The following KMT2C variants were observed in gnomAD, a reference collection of about 807,000 sequenced individuals.
KMT2C encodes the protein lysine methyltransferase 2C.
A neutral mutation model predicts 507.9 loss-of-function variants in KMT2C; 88 were observed. That is an observed-to-expected ratio of 0.17 (90% CI 0.15 to 0.21). The LOEUF (loss-of-function observed/expected upper bound fraction) is 0.21, where lower values mean the gene tolerates loss of function less well. Ranked by LOEUF, KMT2C falls within the 10% of genes least tolerant of loss-of-function variation. The pLI, the probability that KMT2C is intolerant of heterozygous loss-of-function variation, is 1.00. For synonymous variants in KMT2C, 2,049 were observed against 2,080.8 expected, an observed-to-expected ratio of 0.98 and a Z score of 0.42; for missense variants, 4,954 against 5,957.8, an observed-to-expected ratio of 0.83 and a Z score of 5.55.
intron 18 of KMT2C, among the ~76,000 whole-genome samples, chr7:152,226,318 C>T (rs574713587): frequency 5.4e-5 from 8 of 149,334 alleles, no homozygotes; most frequent in African/African-American, 2.0e-4. Context: ...CTAAAACCTC[C>T]GCCTCCCATG....
intron 16 of KMT2C, among the ~76,000 whole-genome samples, chr7:152,232,942 T>C (rs553864570): frequency 5.1e-4 from 77 of 152,302 alleles, no homozygotes; most frequent in Non-Finnish European, 9.3e-4. Context: ...TTATACCCAC[T>C]GAGCAGCTCA....
chr7:152,242,166 T>G (rs1279366524), intron 14 of KMT2C, among the ~76,000 whole-genome samples: 3 of 152,222 alleles, frequency 2.0e-5, no homozygotes. Context: ...TACAATCCAG[T>G]TGCAGCACTT....
chr7:152,417,757 T>C (rs1325597128), intron 1 of KMT2C, among the ~76,000 whole-genome samples: 3 of 150,952 alleles, frequency 2.0e-5, no homozygotes, highest in Non-Finnish European at 4.4e-5. Flanking sequence ...TCCTCCTGCT[T>C]CAACCTCCTG....
Position 152,155,850 on chromosome 7 carries a change from A to T in KMT2C, c.11960+60T>A, listed in dbSNP as rs1422848014. 10 of 1,500,466 alleles carry T rather than the reference A, an allele frequency of 6.7e-6. No homozygotes were observed. In the African/African-American group the frequency reaches 1.4e-4, roughly 22 times the overall value. 92.9% of individuals were successfully genotyped at this position (1,500,466 alleles called of 1,614,324 possible). A position where few individuals can be genotyped will look rare whatever the true frequency, so the allele number is the denominator to read the frequency against. ...TAAAGACATTATGCCACATACATAC[A>T]TTTATTTTTTTTAAAAGAAGAAATA... On this transcript the variant is annotated intron_variant, in intron 46 of 58. Transcript: ENST00000262189.
intron 1 of KMT2C, chr7:152,368,530 C>T: frequency 7.4e-7 from 1 of 1,357,622 alleles, no homozygotes; most frequent in Non-Finnish European, 1.0e-6. Context: ...GGAAGCACAG[C>T]ACAAAGAATT....
chr7:152,269,830 C>A (rs1468907457), intron 7 of KMT2C, among the ~76,000 whole-genome samples: 1 of 151,972 alleles, frequency 6.6e-6, no homozygotes, highest in Non-Finnish European at 1.5e-5. Context: ...TGAGAGGAAA[C>A]AAAATGATCA....
At position 152,252,838 on chromosome 7, in the gene KMT2C, G is replaced by A. The variant is rs2095582320; in HGVS notation, c.1300-123C>T. The A allele has an allele frequency of 7.2e-6, 5 of 697,052 alleles. No homozygotes were observed. In the South Asian group the frequency reaches 8.7e-5, roughly 12 times the overall value. 43.2% of individuals were successfully genotyped at this position (697,052 alleles called of 1,614,324 possible). On this transcript the variant is annotated intron_variant, in intron 9 of 58. Transcript: ENST00000262189. ...TTATACATTAAGCTTTTATTTTCAT[G>A]ACACTAATTTAGGGTACATGCTTTT... is the stretch of plus-strand genomic sequence containing the variant.
chr7:152,162,612 T>C lies in KMT2C; in HGVS notation c.10965A>G (p.Gln3655=), dbSNP rs1300910967. 6 of 1,614,116 alleles carry C rather than the reference T, an allele frequency of 3.7e-6. No homozygotes were observed. The highest frequency in any genetic ancestry group is 5.1e-6 in the Non-Finnish European group (6 of 1,180,056). The change falls in exon 43 of 59, where the codon CAA becomes CAG. Residue 3655 remains glutamine, a synonymous_variant. Transcript: ENST00000262189. ...AVSTPSELPQ[Q]ADQESVEPVG... ...CTGGTTCCACCGACTCTTGGTCGGC[T>C]TGTTGAGGAAGCTCACTGGGTGTGC...
Position 152,315,125 on chromosome 7 carries a change from C to T in KMT2C, c.590+13G>A, listed in dbSNP as rs1228448050. The T allele has an allele frequency of 3.1e-6, 5 of 1,609,740 alleles. No homozygotes were observed. The highest frequency in any genetic ancestry group is 1.3e-5 in the African/African-American group (1 of 74,684). ...CTTAATCTATTCCAACATTTAAAGT[C>T]GAAACTGCTTACTTTCTCTGTCCTC... On this transcript the variant is annotated intron_variant, in intron 4 of 58. Coordinates refer to ENST00000262189, the MANE Select transcript of KMT2C (RefSeq NM_170606.3).
chr7:152,212,308 C>T (rs1408401344), intron 23 of KMT2C, among the ~76,000 whole-genome samples: 1 of 152,132 alleles, frequency 6.6e-6, no homozygotes, highest in East Asian at 1.9e-4. Flanking sequence ...CAGGTATTGC[C>T]TATTCAAAAA....
At chr7:152,260,508 C>T (rs1335646343) in intron 9 of KMT2C, among the ~76,000 whole-genome samples, 2 of 150,658 alleles carry the variant, frequency 1.3e-5, no homozygotes, top group African/African-American at 2.4e-5. Flanking sequence ...GCTGGGGTGG[C>T]GTGGGGGATG....
chr7:152,247,469 A>G (rs1306208758), intron 14 of KMT2C, among the ~76,000 whole-genome samples: 2 of 152,300 alleles, frequency 1.3e-5, no homozygotes, highest in African/African-American at 4.8e-5. Flanking sequence ...AATTCCTGTC[A>G]TAAATGTTGA....
chr7:152,383,097 TCTA>T (rs1376107581), intron 1 of KMT2C, among the ~76,000 whole-genome samples: 1 of 152,312 alleles, frequency 6.6e-6, no homozygotes, highest in African/African-American at 2.4e-5. Flanking sequence ...TATACATTTT[TCTA>T]CTTTTCTATA....
rs746018833 is a variant in KMT2C at position 152,178,015 on chromosome 7, TAAAAAAAAAAAAAA to T, written c.7443-19_7443-6del. ...CTACCTCCTGGAAATCCAAATCTTT[TAAAAAAAAAAAAAA>T]AAAAAAAAAAAAAGCAAATAGGTAT... On this transcript the variant is annotated splice_polypyrimidine_tract_variant and splice_region_variant and intron_variant, in intron 37 of 58. Transcript: ENST00000262189. The T allele has an allele frequency of 1.2e-4, 97 of 811,024 alleles. No individual in the cohort carries two copies. In the African/African-American group the frequency reaches 1.3e-3, roughly 11 times the overall value. The allele number at this position is 811,024 out of a possible 1,614,324, so 50.2% of individuals were successfully genotyped here.
At chr7:152,260,996 G>C (rs1430338311) in intron 9 of KMT2C, among the ~76,000 whole-genome samples, 3 of 152,164 alleles carry the variant, frequency 2.0e-5, no homozygotes, top group African/African-American at 7.2e-5. Flanking sequence ...GGAAGTAAAA[G>C]AAGAGAAAAG....
intron 6 of KMT2C, among the ~76,000 whole-genome samples, chr7:152,289,950 G>A (rs531594663): frequency 6.6e-6 from 1 of 152,010 alleles, no homozygotes; most frequent in South Asian, 2.1e-4. Context: ...AGGAGGCTGA[G>A]GCATGAGCAT....
rs532160747 is a variant in KMT2C, at chr7:152,271,529, C to T, written c.1012+2176G>A. Among the ~76,000 whole-genome samples, 15 of 151,820 alleles carry T rather than the reference C, an allele frequency of 9.9e-5. No homozygotes were observed. The East Asian group carries it at 2.5e-3, about 26-fold the overall frequency. ...TCTACTAAAAATACAAAAAATTAGC[C>T]GGGTGTGATGGTATGCGCCTGTAAT... is the stretch of plus-strand genomic sequence containing the variant. On this transcript the variant is annotated intron_variant, in intron 7 of 58. Transcript: ENST00000262189.
At chr7:152,208,388 GATT>G (rs1315638259) in intron 23 of KMT2C, among the ~76,000 whole-genome samples, 2 of 152,184 alleles carry the variant, frequency 1.3e-5, no homozygotes, top group Non-Finnish European at 2.9e-5. Context: ...ATTTAGAAAA[GATT>G]ATGTCAAACA....
chr7:152,171,431 T>A, intron 39 of KMT2C, 89 bp from the exon 40 acceptor site: 1 of 815,094 alleles, frequency 1.2e-6, no homozygotes, highest in Non-Finnish European at 1.9e-6. Context: ...CTTAACAGTT[T>A]TCTCTTCCAG....
Sources: gnomAD v4.1 joint callset for allele counts (sites outside exome capture counted in the v4.1 genomes callset) on GRCh38, gnomAD v4.1.1 for gene constraint, MANE v1.5 for transcripts, NCBI Gene and HGNC (gene_info 2026-07-23, HGNC 2026-07-21) for gene names.